The following C2orf80 variants were observed in gnomAD, a reference collection of about 807,000 sequenced individuals.
C2orf80 encodes uncharacterized protein C2orf80.
Under a neutral mutation model 30.2 loss-of-function variants are expected in C2orf80, and 28 were observed. The observed-to-expected ratio is 0.93, with a 90% CI of 0.69 to 1.27. The LOEUF (loss-of-function observed/expected upper bound fraction) is 1.27. C2orf80 is among the 50% of genes most tolerant of loss of function. The pLI is 0.00. For missense variants in C2orf80, 220 were observed against 231.0 expected (o/e 0.95, Z 0.31); for synonymous variants, 80 against 76.4 (o/e 1.05, Z -0.24).
At chr2:208,182,355 A>T (rs891998048) in intron 4 of C2orf80, among the ~76,000 whole-genome samples, 6 of 152,194 alleles carry the variant, frequency 3.9e-5, no homozygotes, top group Non-Finnish European at 7.3e-5. Flanking sequence ...CATAGAACTG[A>T]CTGTTTTAAA....
rs1696736786 is a variant in C2orf80, at chr2:208,186,974, G to C, written c.13C>G (p.Leu5Val). The change falls in exon 2 of 9, where the codon CTC becomes GTC. Residue 5 changes from leucine to valine, a missense_variant. By Grantham distance (32) the Leu-to-Val change is conservative (BLOSUM62 1). Coordinates refer to ENST00000341287, the MANE Select transcript of C2orf80 (RefSeq NM_001099334.3). MERRLIKKEMKKLLG... is the reference protein window; with the variant it reads MERRVIKKEMKKLLG... ...AGCTTTTTCATTTCCTTCTTTATGA[G>C]CCTTCTTTCCATGTTAAAGGCTTAG... 6.2e-7 allele frequency: 1 copy of C among 1,613,978 alleles called. No individual in the cohort carries two copies. The highest frequency in any genetic ancestry group is 8.5e-7 in the Non-Finnish European group (1 of 1,179,898).
At chr2:208,176,978 CAGAAA>C (rs1559340689) in intron 6 of C2orf80, among the ~76,000 whole-genome samples, 7 of 8,158 alleles carry the variant, frequency 8.6e-4, no homozygotes, top group African/African-American at 2.1e-3. Context: ...TACATATATA[CAGAAA>C]TGTATATGTA....
At chr2:208,168,833 C>T (rs7589531) in intron 8 of C2orf80, among the ~76,000 whole-genome samples, 126,013 of 141,766 alleles carry the variant, frequency 0.89, 56,277 homozygotes, top group Non-Finnish European at 0.93. Flanking sequence ...TTTGTTCTTT[C>T]GACACTCCTG....
Position 208,183,062 on chromosome 2 carries a change from C to T in C2orf80, c.124-15G>A, listed in dbSNP as rs749881367. 1 of 1,611,032 alleles carries T rather than the reference C, an allele frequency of 6.2e-7. No individual in the cohort carries two copies. Among genetic ancestry groups the T allele is most frequent in the Non-Finnish European group, 8.5e-7 (1 of 1,177,194 alleles). ...TCATAGTGTGCCTGGGAGCAGGAAGCACAGAGAGCAAAGAAACAGGCTTAG... is the reference window on the plus strand; with the variant it reads ...TCATAGTGTGCCTGGGAGCAGGAAGTACAGAGAGCAAAGAAACAGGCTTAG... On this transcript the variant is annotated splice_polypyrimidine_tract_variant and intron_variant, in intron 3 of 8. Coordinates refer to ENST00000341287, the MANE Select transcript of C2orf80 (RefSeq NM_001099334.3).
intron 6 of C2orf80, among the ~76,000 whole-genome samples, chr2:208,173,120 CAAAAA>C (rs57629811): frequency 1.1e-4 from 8 of 72,372 alleles, no homozygotes; most frequent in Admixed American, 1.9e-4. Context: ...AACCTCATCT[CAAAAA>C]AAAAAAAAAA....
chr2:208,167,058 C>A (rs1695918913), intron 8 of C2orf80, among the ~76,000 whole-genome samples: 1 of 152,060 alleles, frequency 6.6e-6, no homozygotes, highest in African/African-American at 2.4e-5. Context: ...AAACTAAAAG[C>A]ACAGAGAGAT....
intron 2 of C2orf80, 142 bp downstream of exon 2, chr2:208,186,804 C>A: frequency 1.3e-6 from 1 of 748,336 alleles, no homozygotes. Flanking sequence ...CCGAGAGAGG[C>A]CAGATCATCC....
chr2:208,175,486 G>C (rs1696258885), intron 6 of C2orf80, among the ~76,000 whole-genome samples: 1 of 152,110 alleles, frequency 6.6e-6, no homozygotes, highest in Admixed American at 6.5e-5. Context: ...GAGCAATCCC[G>C]CGCCTATGAC....
intron 8 of C2orf80, among the ~76,000 whole-genome samples, chr2:208,166,674 G>A (rs1032945270): frequency 1.4e-4 from 21 of 150,336 alleles, no homozygotes; most frequent in East Asian, 1.2e-3. Flanking sequence ...TTTTTGAGAC[G>A]GTGTCTCACT....
chr2:208,188,791 T>G (rs143510790), intron 1 of C2orf80, among the ~76,000 whole-genome samples: 205 of 152,334 alleles, frequency 1.3e-3, no homozygotes, highest in Middle Eastern at 6.8e-3. Context: ...CTTTAGTTTT[T>G]GGGGAGTGGA....
chr2:208,171,643 C>T (rs1052576336), intron 7 of C2orf80, among the ~76,000 whole-genome samples: 1 of 151,964 alleles, frequency 6.6e-6, no homozygotes, highest in African/African-American at 2.4e-5. Flanking sequence ...GATGAAGTTT[C>T]ACTAAGTTTC....
chr2:208,166,496 A>G (rs1347638795), intron 8 of C2orf80, among the ~76,000 whole-genome samples: 1 of 152,220 alleles, frequency 6.6e-6, no homozygotes, highest in African/African-American at 2.4e-5. Context: ...GCAGTTATGT[A>G]TTATGCTTGT....
chr2:208,176,023 C>G (rs553954586), intron 6 of C2orf80, among the ~76,000 whole-genome samples: 1 of 152,242 alleles, frequency 6.6e-6, no homozygotes, highest in East Asian at 1.9e-4. Context: ...AAATTACGCC[C>G]TCTGTGATCA....
rs1205460400 is a variant in C2orf80 at position 208,176,945 on chromosome 2, A to G, written c.366+3800T>C. Among the ~76,000 whole-genome samples the G allele has an allele frequency of 1.4e-3, 118 of 81,598 alleles. 8 individuals carry two copies. The East Asian group carries it at 0.018, about 12-fold the overall frequency. The allele number at this position is 81,598 out of a possible 152,430, so 53.5% of individuals were successfully genotyped here. ...TGTATACATATGTATACATATCTGT[A>G]TACATATCTGTATACATATGTATAC... On this transcript the variant is annotated intron_variant, in intron 6 of 8. Transcript: ENST00000341287.
intron 2 of C2orf80, among the ~76,000 whole-genome samples, 158 bp from the exon 3 acceptor site, chr2:208,185,190 G>A (rs879077422): frequency 5.3e-5 from 8 of 151,370 alleles, no homozygotes; most frequent in South Asian, 2.1e-4. Context: ...TGGTTTACAC[G>A]ACAATTCTAC....
chr2:208,180,203 AT>A (rs1696509301), intron 6 of C2orf80, among the ~76,000 whole-genome samples: 1 of 152,064 alleles, frequency 6.6e-6, no homozygotes, highest in African/African-American at 2.4e-5. Flanking sequence ...GTACTCCAGT[AT>A]TTTAGGAGGC....
chr2:208,189,196 G>A (rs1029021354), intron 1 of C2orf80, among the ~76,000 whole-genome samples: 1 of 152,218 alleles, frequency 6.6e-6, no homozygotes, highest in African/African-American at 2.4e-5. Context: ...GTAAGGCACA[G>A]TTAGCATGTG....
Position 208,180,728 on chromosome 2 carries a change from T to A in C2orf80, c.366+17A>T. On this transcript the variant is annotated intron_variant, in intron 6 of 8. Transcript: ENST00000341287. Reference sequence around the variant, plus strand: ...CTCTAAAAATCCCTTCTATTGACAATCCCAGGTCACCCTTACCTTGATGGT... The same window carrying A: ...CTCTAAAAATCCCTTCTATTGACAAACCCAGGTCACCCTTACCTTGATGGT... 1 of 1,602,606 alleles carries A rather than the reference T, an allele frequency of 6.2e-7. No individual in the cohort carries two copies. The highest frequency in any genetic ancestry group is 8.5e-7 in the Non-Finnish European group (1 of 1,172,694).
Position 208,170,994 on chromosome 2 carries a change from G to A in C2orf80, c.524C>T (p.Thr175Ile). The A allele has an allele frequency of 1.2e-6, 2 of 1,614,100 alleles. No individual in the cohort carries two copies. The highest frequency in any genetic ancestry group is 1.7e-6 in the Non-Finnish European group (2 of 1,179,984). Reference protein sequence around the residue: ...TSISAKEANATEWKSSQRFSD... With the variant: ...TSISAKEANAIEWKSSQRFSD... ...AAACCTTTGTGATGATTTCCATTCT[G>A]TGGCATTTGCTTCCTTTGCAGAGAT... The change falls in exon 8 of 9, where the codon ACA (threonine) becomes ATA (isoleucine). Residue 175 changes from threonine (T) to isoleucine (I), a missense_variant. Physicochemically the swap from Thr to Ile is moderately conservative, Grantham distance 89 (BLOSUM62 -1). Transcript: ENST00000341287.
Sources: gnomAD v4.1 joint callset for allele counts (sites outside exome capture counted in the v4.1 genomes callset) on GRCh38, gnomAD v4.1.1 for gene constraint, MANE v1.5 for transcripts, NCBI Gene and HGNC (gene_info 2026-07-23, HGNC 2026-07-21) for gene names.